Variants in PARD3 observed in about 807,000 individuals in gnomAD.
PARD3 encodes the protein par-3 family cell polarity regulator.
In PARD3, 75 loss-of-function variants were observed where a neutral mutation model predicts 155.4. The ratio of observed to expected loss-of-function variants is 0.48; its 90% CI spans 0.40 to 0.58. PARD3 has a LOEUF of 0.58. PARD3 is among the 20% of genes least tolerant of loss of function. PARD3 has a pLI of 0.00. For missense variants in PARD3, 1,642 were observed against 1,721.7 expected (o/e 0.95, Z 0.82); for synonymous variants, 576 against 610.5 (o/e 0.94, Z 0.83).
chr10:34,649,159 G>A lies in PARD3; in HGVS notation c.222+47159C>T, dbSNP rs74132083. On this transcript the variant is annotated intron_variant, in intron 2 of 24. Transcript: ENST00000374788. ...CAGGGGCACACTCATTCTGAGAGACGCATGGCTTGGGCACAGGACTCACAC... is the reference window on the plus strand; with the variant it reads ...CAGGGGCACACTCATTCTGAGAGACACATGGCTTGGGCACAGGACTCACAC... 1.0e-2 allele frequency among the ~76,000 whole-genome samples: 1,517 copies of A among 152,240 alleles called. 29 individuals carry two copies. The highest frequency in any genetic ancestry group is 0.035 in the African/African-American group (1,457 of 41,536).
rs545144223 is a variant in PARD3 at position 34,567,272 on chromosome 10, G to A, written c.223-50113C>T. The stretch of plus-strand genomic sequence containing the variant: ...TATGCGATGGACTGATTCTGCATGT[G>A]TTCTAAAAATAAATGCTAATCCACT... On this transcript the variant is annotated intron_variant, in intron 2 of 24. Coordinates refer to ENST00000374788, the MANE Select transcript of PARD3 (RefSeq NM_001184785.2). Among the ~76,000 whole-genome samples the A allele has an allele frequency of 4.1e-4, 63 of 152,220 alleles. No individual in the cohort carries two copies. The South Asian group carries it at 0.012, about 30-fold the overall frequency.
rs552357418 is a variant in PARD3, at chr10:34,376,932, A to G, written c.1539+1035T>C. Among the ~76,000 whole-genome samples, 5 of 152,330 alleles carry G rather than the reference A, an allele frequency of 3.3e-5. No homozygotes were observed. In the South Asian group the frequency reaches 6.2e-4, roughly 19 times the overall value. The stretch of plus-strand genomic sequence containing the variant: ...AAAACTAAGAAAAATGGTTTAAAAC[A>G]TATTTTTCAATTTTCTCTTTTATGT... On this transcript the variant is annotated intron_variant, in intron 10 of 24. Transcript: ENST00000374788.
intron 14 of PARD3, among the ~76,000 whole-genome samples, chr10:34,352,349 C>A (rs1838183933): frequency 6.6e-6 from 1 of 152,112 alleles, no homozygotes. Flanking sequence ...CTCCCCTCTC[C>A]CCTCTCCCCT....
intron 4 of PARD3, among the ~76,000 whole-genome samples, chr10:34,468,015 G>A (rs1342991507): frequency 6.6e-6 from 1 of 152,108 alleles, no homozygotes; most frequent in African/African-American, 2.4e-5. Flanking sequence ...GCATTTCTAG[G>A]GTGGGTCTCC....
intron 1 of PARD3, among the ~76,000 whole-genome samples, chr10:34,730,661 T>G (rs1564556097): frequency 6.6e-6 from 1 of 152,160 alleles, no homozygotes; most frequent in Non-Finnish European, 1.5e-5. Context: ...GATGCATGCC[T>G]GTAGTCCTAC....
rs533279385 is a variant in PARD3 at position 34,672,087 on chromosome 10, G to A, written c.222+24231C>T. On this transcript the variant is annotated intron_variant, in intron 2 of 24. Coordinates refer to ENST00000374788, the MANE Select transcript of PARD3 (RefSeq NM_001184785.2). ...GGAGACTGAGGCAGAAGGATCACCCGAGCCCAGGAGTTCGAGGCTGCAGTG... is the reference window on the plus strand; with the variant it reads ...GGAGACTGAGGCAGAAGGATCACCCAAGCCCAGGAGTTCGAGGCTGCAGTG... Among the ~76,000 whole-genome samples the A allele has an allele frequency of 2.4e-4, 36 of 152,090 alleles. No individual in the cohort carries two copies. The South Asian group carries it at 3.3e-3, about 14-fold the overall frequency.
At chr10:34,586,789 A>G (rs1436420475) in intron 2 of PARD3, among the ~76,000 whole-genome samples, 2 of 151,986 alleles carry the variant, frequency 1.3e-5, no homozygotes, top group Non-Finnish European at 2.9e-5. Flanking sequence ...TGTCCCTACT[A>G]AAAATAAAAA....
At chr10:34,612,288 T>C (rs1165245164) in intron 2 of PARD3, among the ~76,000 whole-genome samples, 1 of 152,106 alleles carries the variant, frequency 6.6e-6, no homozygotes, top group Non-Finnish European at 1.5e-5. Flanking sequence ...TAATAATAAT[T>C]AAAAACAATT....
rs139056444 is a variant in PARD3, at chr10:34,278,357, T to C, written c.3176+5778A>G. ...ATGTTAACATGCTTAAATCTTTTTC[T>C]CTTAACAAAGGTAAGGGATCCCTGA... On this transcript the variant is annotated intron_variant, in intron 21 of 24. Coordinates refer to ENST00000374788, the MANE Select transcript of PARD3 (RefSeq NM_001184785.2). Among the ~76,000 whole-genome samples the C allele has an allele frequency of 9.9e-5, 15 of 152,284 alleles. No homozygotes were observed. The East Asian group carries it at 2.3e-3, about 24-fold the overall frequency.
At chr10:34,329,926 T>TA (rs1835439896) in intron 19 of PARD3, among the ~76,000 whole-genome samples, 1 of 152,122 alleles carries the variant, frequency 6.6e-6, no homozygotes. Flanking sequence ...ATATACATTA[T>TA]ATGTATATGT....
chr10:34,475,662 ATTTC>A (rs1324984971), intron 3 of PARD3, among the ~76,000 whole-genome samples: 3 of 152,316 alleles, frequency 2.0e-5, no homozygotes, highest in African/African-American at 7.2e-5. Context: ...ATGTTGATAC[ATTTC>A]TTTATTTCAG....
At chr10:34,212,802 TG>T (rs1294340707) in intron 22 of PARD3, among the ~76,000 whole-genome samples, 5 of 152,138 alleles carry the variant, frequency 3.3e-5, no homozygotes, top group Non-Finnish European at 7.3e-5. Context: ...AAGAAACTCA[TG>T]ATTAAAAACC....
At chr10:34,289,268 C>A (rs928431631) in intron 20 of PARD3, among the ~76,000 whole-genome samples, 12 of 152,138 alleles carry the variant, frequency 7.9e-5, no homozygotes, top group African/African-American at 2.7e-4. Flanking sequence ...CAGCTCACTG[C>A]AACCTCCGCC....
chr10:34,632,421 G>A (rs1388743554), intron 2 of PARD3, among the ~76,000 whole-genome samples: 2 of 152,168 alleles, frequency 1.3e-5, no homozygotes, highest in African/African-American at 4.8e-5. Flanking sequence ...GGGACAGTGG[G>A]GCATCACTTT....
At chr10:34,726,813 T>C (rs1246116947) in intron 1 of PARD3, among the ~76,000 whole-genome samples, 1 of 151,988 alleles carries the variant, frequency 6.6e-6, no homozygotes, top group Non-Finnish European at 1.5e-5. Context: ...CTGTCTCATA[T>C]GTATAAGGAA....
At chr10:34,327,377 G>T (rs1248240644) in intron 19 of PARD3, among the ~76,000 whole-genome samples, 1 of 152,160 alleles carries the variant, frequency 6.6e-6, no homozygotes, top group Non-Finnish European at 1.5e-5. Flanking sequence ...TGCTGCAGAA[G>T]ATGACAGATA....
At chr10:34,563,579 G>A (rs1200096375) in intron 2 of PARD3, among the ~76,000 whole-genome samples, 2 of 151,008 alleles carry the variant, frequency 1.3e-5, no homozygotes, top group Non-Finnish European at 2.9e-5. Context: ...CACCCAGGAT[G>A]GAGTGCAATG....
At chr10:34,324,300 CA>C (rs1435854436) in intron 19 of PARD3, among the ~76,000 whole-genome samples, 3 of 152,118 alleles carry the variant, frequency 2.0e-5, no homozygotes, top group African/African-American at 7.2e-5. Flanking sequence ...GAGTGATCCG[CA>C]AAAATTTCCT....
At chr10:34,233,164 G>A (rs967116305) in intron 22 of PARD3, among the ~76,000 whole-genome samples, 3 of 151,416 alleles carry the variant, frequency 2.0e-5, no homozygotes, top group East Asian at 1.9e-4. Context: ...CCCATCAGGC[G>A]TGTAGCCAGA....
Sources: allele counts gnomAD v4.1 joint callset (sites outside exome capture counted in the v4.1 genomes callset), GRCh38; gene constraint gnomAD v4.1.1; transcripts MANE v1.5; gene names NCBI Gene and HGNC (gene_info 2026-07-23, HGNC 2026-07-21).